The following GULP1 variants were observed in gnomAD, a reference collection of about 807,000 sequenced individuals.
The protein encoded by GULP1 is PTB domain-containing engulfment adapter protein 1.
GULP1 carries 19 observed loss-of-function variants against 40.9 expected under a neutral mutation model. The ratio of observed to expected loss-of-function variants is 0.46; its 90% confidence interval spans 0.32 to 0.68. GULP1 has a LOEUF of 0.68. Among genes scored for constraint, GULP1 ranks in the 30% least tolerant of loss-of-function variants. GULP1 has a pLI of 0.03. For synonymous variants in GULP1, 119 were observed against 117.6 expected (o/e 1.01, Z -0.08); for missense variants, 312 against 362.2 (o/e 0.86, Z 1.12).
chr2:188,435,462 C>T (rs184758988), intron 2 of GULP1, among the ~76,000 whole-genome samples: 38 of 152,148 alleles, frequency 2.5e-4, no homozygotes, highest in African/African-American at 7.7e-4. Context: ...CACTCAATTC[C>T]ATTATAAGAA....
At chr2:188,522,625 A>G (rs1385234124) in intron 4 of GULP1, 131 bp from the exon 5 acceptor site, 2 of 288,092 alleles carry the variant, frequency 6.9e-6, no homozygotes, top group Admixed American at 9.8e-5. Context: ...ATATAAAATA[A>G]TAATTCTATT....
intron 9 of GULP1, among the ~76,000 whole-genome samples, chr2:188,576,665 A>G (rs1335081971): frequency 6.6e-6 from 1 of 152,144 alleles, no homozygotes; most frequent in Non-Finnish European, 1.5e-5. Context: ...AATAGCCTTC[A>G]ATTGTACCTA....
chr2:188,461,097 T>A (rs1036596699), intron 2 of GULP1, among the ~76,000 whole-genome samples: 1 of 152,160 alleles, frequency 6.6e-6, no homozygotes, highest in Admixed American at 6.5e-5. Flanking sequence ...TATAGTTTTT[T>A]ATTTTCTATT....
intron 1 of GULP1, among the ~76,000 whole-genome samples, chr2:188,353,827 T>C (rs1010712782): frequency 2.0e-5 from 3 of 151,620 alleles, no homozygotes; most frequent in African/African-American, 7.3e-5. Context: ...ACCAAACCCC[T>C]CCTACCCCTA....
At chr2:188,561,629 G>A (rs567750039) in intron 7 of GULP1, among the ~76,000 whole-genome samples, 1 of 152,302 alleles carries the variant, frequency 6.6e-6, no homozygotes, top group South Asian at 2.1e-4. Flanking sequence ...AGTGGTGACA[G>A]TAGTCACTAG....
chr2:188,321,008 G>C (rs1296262205), intron 1 of GULP1, among the ~76,000 whole-genome samples: 1 of 151,478 alleles, frequency 6.6e-6, no homozygotes, highest in African/African-American at 2.4e-5. Context: ...TATATTTCTA[G>C]ACTTAATGGT....
intron 8 of GULP1, 48 bp from the exon 9 acceptor site, chr2:188,569,980 C>T (rs1698678508): frequency 2.7e-6 from 2 of 751,196 alleles, no homozygotes; most frequent in Non-Finnish European, 4.5e-6. Context: ...CCAATATTTT[C>T]CAAGAAAAAA....
intron 2 of GULP1, among the ~76,000 whole-genome samples, chr2:188,434,836 T>G (rs1384716063): frequency 2.0e-5 from 3 of 152,006 alleles, no homozygotes; most frequent in Admixed American, 6.6e-5. Context: ...ATCTGATTTG[T>G]TGACAATTTT....
intron 2 of GULP1, among the ~76,000 whole-genome samples, chr2:188,450,739 A>AGT (rs745998769): frequency 2.0e-5 from 3 of 152,174 alleles, no homozygotes; most frequent in Non-Finnish European, 4.4e-5. Context: ...CCGTTTATTA[A>AGT]GTGCATTTGT....
At chr2:188,341,943 T>C (rs1014037433) in intron 1 of GULP1, among the ~76,000 whole-genome samples, 1 of 152,206 alleles carries the variant, frequency 6.6e-6, no homozygotes, top group Admixed American at 6.5e-5. Flanking sequence ...TAATTCAGTC[T>C]AGGCACTTAA....
Position 188,570,071 on chromosome 2 carries a change from TA to T in GULP1, c.561del (p.Gln188LysfsTer7). 1 of 1,467,626 alleles carries T rather than the reference TA, an allele frequency of 6.8e-7. No homozygotes were observed. The highest frequency in any genetic ancestry group is 9.4e-7 in the Non-Finnish European group (1 of 1,058,862). The allele number at this position is 1,467,626 out of a possible 1,614,324, so 90.9% of individuals were successfully genotyped here. A position where few individuals can be genotyped will look rare whatever the true frequency, so the allele number is the denominator to read the frequency against. On this transcript the variant is annotated frameshift_variant, in exon 9 of 12. Transcript: ENST00000409830. LOFTEE classifies it high-confidence loss of function. ...GAAAATATGGAACTTAAAAATAAAGTACAAGATTTGGAAAACCAACTGAGAA... is the reference window on the plus strand; with the variant it reads ...GAAAATATGGAACTTAAAAATAAAGTCAAGATTTGGAAAACCAACTGAGAA... ...ETENMELKNKVQDLENQLRIT... is the reference protein window; with the variant it reads ...ETENMELKNKXQDLENQLRIT...
chr2:188,393,756 G>C (rs1316158365), intron 2 of GULP1, among the ~76,000 whole-genome samples: 3 of 151,972 alleles, frequency 2.0e-5, no homozygotes, highest in Non-Finnish European at 4.4e-5. Flanking sequence ...ATTTCTTGTA[G>C]GGCAGCTCTG....
chr2:188,518,755 G>A (rs2153223705), intron 4 of GULP1, among the ~76,000 whole-genome samples: 1 of 152,256 alleles, frequency 6.6e-6, no homozygotes. Context: ...ATAAGGGAAT[G>A]GCAATCCCTC....
At chr2:188,471,487 T>C (rs2060588709) in intron 2 of GULP1, among the ~76,000 whole-genome samples, 1 of 152,152 alleles carries the variant, frequency 6.6e-6, no homozygotes, top group South Asian at 2.1e-4. Flanking sequence ...GGAGATTTTG[T>C]CTGGTGATAT....
intron 1 of GULP1, among the ~76,000 whole-genome samples, chr2:188,377,342 G>T (rs928214859): frequency 6.6e-6 from 1 of 152,120 alleles, no homozygotes; most frequent in African/African-American, 2.4e-5. Flanking sequence ...TATGATTAGT[G>T]CTGTGTATAG....
chr2:188,415,495 G>A (rs930724631), intron 2 of GULP1, among the ~76,000 whole-genome samples: 6 of 151,124 alleles, frequency 4.0e-5, no homozygotes, highest in Admixed American at 6.6e-5. Context: ...CTTACTCTGC[G>A]CCTTAGAAAA....
At chr2:188,449,046 C>T (rs1365070066) in intron 2 of GULP1, among the ~76,000 whole-genome samples, 2 of 152,080 alleles carry the variant, frequency 1.3e-5, no homozygotes, top group South Asian at 2.1e-4. Context: ...TTCAGATGTT[C>T]CTTTATAGCA....
chr2:188,547,354 A>T (rs1692239229), intron 7 of GULP1, among the ~76,000 whole-genome samples: 1 of 152,076 alleles, frequency 6.6e-6, no homozygotes, highest in East Asian at 1.9e-4. Flanking sequence ...CTAGATGGAT[A>T]GAGCTAATAT....
At chr2:188,588,057 A>G (rs772315412) in intron 11 of GULP1, 108 bp downstream of exon 11, 1 of 734,042 alleles carries the variant, frequency 1.4e-6, no homozygotes, top group Non-Finnish European at 2.5e-6. Flanking sequence ...TTTTCGCTAT[A>G]AAAACTCGCT....
Sources: allele counts gnomAD v4.1 joint callset (sites outside exome capture counted in the v4.1 genomes callset), GRCh38; gene constraint gnomAD v4.1.1; transcripts MANE v1.5; gene names NCBI Gene and HGNC (gene_info 2026-07-23, HGNC 2026-07-21).